The following AFF1 variants were observed in gnomAD, a reference collection of about 807,000 sequenced individuals.
The protein encoded by AFF1 is AF4/FMR2 family member 1.
Under a neutral mutation model 121.7 loss-of-function variants are expected in AFF1, and 48 were observed. The ratio of observed to expected loss-of-function variants is 0.39; its 90% CI spans 0.31 to 0.50. The LOEUF (loss-of-function observed/expected upper bound fraction) is 0.50. Ranked by LOEUF, AFF1 falls within the 20% of genes least tolerant of loss-of-function variation. The pLI, the probability that AFF1 is intolerant of heterozygous loss-of-function variation, is 0.76. For synonymous variants in AFF1, 613 were observed against 563.0 expected (o/e 1.09, Z -1.26); for missense variants, 1,523 against 1,511.7 (o/e 1.01, Z -0.12).
chr4:87,114,600 G>C lies in AFF1; in HGVS notation c.1767G>C (p.Lys589Asn), dbSNP rs1310113768. ...CACCCGAAGCCCCCCACCCCGGAAA[G>C]AGGAGCTGTCAGAAGTCTCCGGCAC... ...RAPPEAPHPG[K>N]RSCQKSPAQQ... The change falls in exon 12 of 21, where the codon AAG becomes AAC. Residue 589 changes from lysine (K) to asparagine (N), a missense_variant. Transcript: ENST00000395146. 2 of 1,318,166 alleles carry C rather than the reference G, an allele frequency of 1.5e-6. No homozygotes were observed. Among genetic ancestry groups the C allele is most frequent in the Non-Finnish European group, 2.0e-6 (2 of 981,568 alleles). The allele number at this position is 1,318,166 out of a possible 1,614,324, so 81.7% of individuals were successfully genotyped here. A position where few individuals can be genotyped will look rare whatever the true frequency, so the allele number is the denominator to read the frequency against.
At position 87,011,780 on chromosome 4, in the gene AFF1, T is replaced by C. The variant is rs114985921; in HGVS notation, c.39-34386T>C. ...GTTCATCCTGAGAGCCCAGTTGAGC[T>C]TCCTGACTCACAGTCTAGAGCTGCT... On this transcript the variant is annotated intron_variant, in intron 2 of 20. Coordinates refer to ENST00000395146, the MANE Select transcript of AFF1 (RefSeq NM_001166693.3). Among the ~76,000 whole-genome samples, 1,305 of 152,310 alleles carry C rather than the reference T, an allele frequency of 8.6e-3. 24 individuals are homozygous for C. The highest frequency in any genetic ancestry group is 0.03 in the African/African-American group (1,258 of 41,558).
intron 4 of AFF1, among the ~76,000 whole-genome samples, chr4:87,081,664 T>C (rs1723195810): frequency 6.6e-6 from 1 of 152,174 alleles, no homozygotes; most frequent in Non-Finnish European, 1.5e-5. Context: ...TCCCTAAATA[T>C]GATATGCCCT....
At chr4:87,072,769 G>GA (rs1361116715) in intron 4 of AFF1, among the ~76,000 whole-genome samples, 2 of 152,144 alleles carry the variant, frequency 1.3e-5, no homozygotes, top group African/African-American at 4.8e-5. Flanking sequence ...GACCTCAAGT[G>GA]ATCTGCCTGC....
chr4:86,979,259 G>A (rs576767520), intron 2 of AFF1, among the ~76,000 whole-genome samples: 22 of 152,166 alleles, frequency 1.4e-4, no homozygotes, highest in Admixed American at 3.9e-4. Context: ...CACGAAGCCC[G>A]GCTGAATTTT....
intron 4 of AFF1, among the ~76,000 whole-genome samples, chr4:87,059,117 A>T (rs1399925098): frequency 2.6e-5 from 4 of 152,082 alleles, no homozygotes; most frequent in African/African-American, 9.7e-5. Context: ...TTCCCTGGTG[A>T]CCTCATTTGC....
intron 2 of AFF1, among the ~76,000 whole-genome samples, chr4:86,972,345 T>A (rs1723007103): frequency 6.6e-6 from 1 of 151,996 alleles, no homozygotes. Flanking sequence ...CCATTCCATC[T>A]AAGCCTGAAC....
At chr4:87,056,528 A>G (rs999453216) in intron 4 of AFF1, among the ~76,000 whole-genome samples, 1 of 152,138 alleles carries the variant, frequency 6.6e-6, no homozygotes, top group Non-Finnish European at 1.5e-5. Context: ...TACTTCCAAC[A>G]TTTTTTCATG....
At chr4:87,072,423 A>C (rs1410282076) in intron 4 of AFF1, among the ~76,000 whole-genome samples, 1 of 151,996 alleles carries the variant, frequency 6.6e-6, no homozygotes, top group Non-Finnish European at 1.5e-5. Flanking sequence ...TATTTTTTAA[A>C]CGATTTTCTC....
Position 86,984,689 on chromosome 4 carries a change from A to C in AFF1, c.38+36118A>C, listed in dbSNP as rs148591504. Among the ~76,000 whole-genome samples the C allele has an allele frequency of 8.7e-3, 1,323 of 152,248 alleles. 24 individuals carry two copies. The highest frequency in any genetic ancestry group is 0.031 in the African/African-American group (1,273 of 41,536). On this transcript the variant is annotated intron_variant, in intron 2 of 20. Coordinates refer to ENST00000395146, the MANE Select transcript of AFF1 (RefSeq NM_001166693.3). Reference sequence around the variant, plus strand: ...AGTGGTTTAAGCTTGTTATCCCAGCACTTTGGGAGGCTGAGGTGGGAGGAT... The same window carrying C: ...AGTGGTTTAAGCTTGTTATCCCAGCCCTTTGGGAGGCTGAGGTGGGAGGAT...
Position 87,132,387 on chromosome 4 carries a change from C to T in AFF1, c.3290C>T (p.Ala1097Val), listed in dbSNP as rs759023796. Residue 1097 changes from alanine to valine, a missense_variant, in exon 19 of 21, where the codon GCA becomes GTA. By Grantham distance (64) the Ala-to-Val change is moderately conservative (BLOSUM62 0). This residue lies in a region of AFF1 where 241 missense variants were observed against 265.2 expected (regional missense o/e 0.91). Transcript: ENST00000395146. Reference protein sequence around the residue: ...HFESSSKVAQAPSPCIARSTG... With the variant: ...HFESSSKVAQVPSPCIARSTG... The stretch of plus-strand genomic sequence containing the variant: ...GAGAGTTCTTCCAAAGTCGCCCAGG[C>T]ACCTTCTCCATGCATTGCAAGGTAA... 20 of 1,611,702 alleles carry T rather than the reference C, an allele frequency of 1.2e-5. No individual in the cohort carries two copies. Among genetic ancestry groups the T allele is most frequent in the Non-Finnish European group, 1.6e-5 (19 of 1,179,272 alleles).
At chr4:86,984,403 C>A (rs547135197) in intron 2 of AFF1, among the ~76,000 whole-genome samples, 1 of 150,514 alleles carries the variant, frequency 6.6e-6, no homozygotes, top group Non-Finnish European at 1.5e-5. Flanking sequence ...TCTCAGCTCA[C>A]GCAACTTCTG....
intron 1 of AFF1, among the ~76,000 whole-genome samples, chr4:86,944,798 T>A (rs931856156): frequency 1.3e-5 from 2 of 152,236 alleles, no homozygotes; most frequent in African/African-American, 4.8e-5. Flanking sequence ...TATATTCATC[T>A]TCTCCCTTTT....
chr4:87,133,147 C>G (rs1728989773), intron 19 of AFF1, among the ~76,000 whole-genome samples: 1 of 152,210 alleles, frequency 6.6e-6, no homozygotes, highest in Non-Finnish European at 1.5e-5. Flanking sequence ...TATGCCACAC[C>G]AGCAATACTA....
intron 2 of AFF1, among the ~76,000 whole-genome samples, chr4:86,982,894 TC>T (rs1252173895): frequency 1.4e-4 from 20 of 145,356 alleles, no homozygotes; most frequent in African/African-American, 4.9e-4. Flanking sequence ...GTTTGCCCCT[TC>T]CACTGTGTGA....
chr4:87,091,746 A>G, intron 6 of AFF1, 47 bp from the exon 7 acceptor site: 1 of 1,256,174 alleles, frequency 8.0e-7, no homozygotes, highest in Non-Finnish European at 1.1e-6. Flanking sequence ...CTTTAACTTT[A>G]TAAGCCTTAA....
intron 5 of AFF1, among the ~76,000 whole-genome samples, chr4:87,087,467 G>A (rs1355906974): frequency 6.6e-6 from 1 of 152,234 alleles, no homozygotes; most frequent in East Asian, 1.9e-4. Context: ...AGCAGGATGA[G>A]CAAGGAGAAA....
chr4:86,953,963 G>C lies in AFF1; in HGVS notation c.38+5392G>C, dbSNP rs142625704. ...TGACCTTAGGTGATCTACCTGCCTC[G>C]GCCTCTCAAAGTGCTGGGATTACAG... is the stretch of plus-strand genomic sequence containing the variant. On this transcript the variant is annotated intron_variant, in intron 2 of 20. Transcript: ENST00000395146. Among the ~76,000 whole-genome samples, 9 of 152,080 alleles carry C rather than the reference G, an allele frequency of 5.9e-5. No homozygotes were observed. In the South Asian group the frequency reaches 1.9e-3, roughly 32 times the overall value.
intron 2 of AFF1, among the ~76,000 whole-genome samples, chr4:86,966,001 TG>T (rs1722510154): frequency 6.6e-6 from 1 of 152,054 alleles, no homozygotes; most frequent in Non-Finnish European, 1.5e-5. Flanking sequence ...GGAATGAATG[TG>T]GTTTTTGGTG....
chr4:87,108,020 C>T (rs527824096), intron 10 of AFF1, 139 bp from the exon 11 acceptor site: 7 of 838,212 alleles, frequency 8.4e-6, no homozygotes, highest in Non-Finnish European at 1.0e-5. Flanking sequence ...GGGCCTCTCT[C>T]AGTTGGATGA....
Sources: allele counts gnomAD v4.1 joint callset (sites outside exome capture counted in the v4.1 genomes callset), GRCh38; gene constraint gnomAD v4.1.1; regional missense constraint gnomAD v4.1.1; transcripts MANE v1.5; gene names NCBI Gene and HGNC (gene_info 2026-07-23, HGNC 2026-07-21).